RARB: variants seen among roughly 807,000 people sequenced by gnomAD.
The protein encoded by RARB is retinoic acid receptor beta.
A neutral mutation model predicts 51.9 loss-of-function variants in RARB; 17 were observed. The ratio of observed to expected loss-of-function variants is 0.33; its 90% confidence interval spans 0.22 to 0.49. The LOEUF (loss-of-function observed/expected upper bound fraction) is 0.49, where lower values mean the gene tolerates loss of function less well. RARB is among the 20% of genes least tolerant of loss of function. The pLI, the probability that RARB is intolerant of heterozygous loss-of-function variation, is 0.99. For synonymous variants in RARB, 215 were observed against 195.4 expected, an observed-to-expected ratio of 1.10 and a Z score of -0.84; for missense variants, 369 against 550.8, an observed-to-expected ratio of 0.67 and a Z score of 3.30.
At chr3:25,286,782 G>A (rs567062466) in intron 5 of RARB, among the ~76,000 whole-genome samples, 11 of 152,222 alleles carry the variant, frequency 7.2e-5, no homozygotes, top group Non-Finnish European at 1.6e-4. Flanking sequence ...TGCGAGGTTG[G>A]TATTTTTATT....
At chr3:25,380,766 C>G (rs968690515) in intron 5 of RARB, among the ~76,000 whole-genome samples, 1 of 152,038 alleles carries the variant, frequency 6.6e-6, no homozygotes, top group African/African-American at 2.4e-5. Flanking sequence ...TAGCATCTTT[C>G]GTCTCCCTCC....
intron 1 of RARB, among the ~76,000 whole-genome samples, chr3:24,858,001 G>A (rs1329219156): frequency 1.3e-5 from 2 of 152,170 alleles, no homozygotes; most frequent in Non-Finnish European, 2.9e-5. Flanking sequence ...TCTGAGGCAA[G>A]TTATTTAGCT....
At chr3:25,242,010 G>A (rs1279287646) in intron 5 of RARB, among the ~76,000 whole-genome samples, 3 of 152,160 alleles carry the variant, frequency 2.0e-5, no homozygotes. Context: ...CACTTTAACT[G>A]GCGTGAGATG....
At chr3:25,515,431 A>T (rs1236005106) in intron 3 of RARB, among the ~76,000 whole-genome samples, 1 of 152,246 alleles carries the variant, frequency 6.6e-6, no homozygotes, top group East Asian at 1.9e-4. Context: ...CATACTCAAT[A>T]GAAATGAGAA....
rs536695069 is a variant in RARB, at chr3:25,501,096, A to G, written c.307-86A>G. 2.2e-4 allele frequency: 321 copies of G among 1,444,180 alleles called. 1 individual carries two copies. In the African/African-American group the frequency reaches 4.1e-3, roughly 18 times the overall value. 89.5% of individuals were successfully genotyped at this position (1,444,180 alleles called of 1,614,324 possible). ...CATCACTTCGTTACTCAAAAAGAGCAATTAATGCATTGATAAGGTTGGCTT... is the reference window on the plus strand; with the variant it reads ...CATCACTTCGTTACTCAAAAAGAGCGATTAATGCATTGATAAGGTTGGCTT... On this transcript the variant is annotated intron_variant, in intron 2 of 7. Transcript: ENST00000330688.
intron 5 of RARB, among the ~76,000 whole-genome samples, chr3:25,381,269 A>T (rs867771447): frequency 2.0e-5 from 3 of 152,142 alleles, no homozygotes; most frequent in African/African-American, 7.2e-5. Flanking sequence ...TCTGAAAGGA[A>T]TGTTGTCATT....
At chr3:25,377,382 T>C (rs904837687) in intron 5 of RARB, among the ~76,000 whole-genome samples, 2 of 152,208 alleles carry the variant, frequency 1.3e-5, no homozygotes, top group South Asian at 2.1e-4. Flanking sequence ...GATAGACACA[T>C]GTGCAGGTCT....
intron 2 of RARB, among the ~76,000 whole-genome samples, chr3:25,036,441 G>A (rs13067187): frequency 0.12 from 18,870 of 152,036 alleles, 1,399 homozygotes; most frequent in South Asian, 0.3. Flanking sequence ...ATTACATGCC[G>A]GAAAAGAAAC....
chr3:25,051,007 A>G (rs572273923), intron 2 of RARB, among the ~76,000 whole-genome samples: 18 of 152,242 alleles, frequency 1.2e-4, no homozygotes, highest in Non-Finnish European at 1.9e-4. Flanking sequence ...CTGTTGTCTC[A>G]TCTCTCACTC....
intron 4 of RARB, among the ~76,000 whole-genome samples, chr3:25,150,098 G>T (rs1228582610): frequency 6.6e-6 from 1 of 151,968 alleles, no homozygotes; most frequent in Non-Finnish European, 1.5e-5. Flanking sequence ...GCTACTCGGA[G>T]GCTGAGGCAG....
At chr3:24,853,461 G>A (rs966353258) in intron 1 of RARB, among the ~76,000 whole-genome samples, 1 of 152,100 alleles carries the variant, frequency 6.6e-6, no homozygotes, top group Non-Finnish European at 1.5e-5. Flanking sequence ...TTGAGCCATC[G>A]TGAATGCTTC....
intron 3 of RARB, among the ~76,000 whole-genome samples, chr3:25,543,215 A>C (rs1699458474): frequency 6.6e-6 from 1 of 152,154 alleles, no homozygotes; most frequent in African/African-American, 2.4e-5. Context: ...GGACCACCTA[A>C]AGTATCCATA....
chr3:25,594,754 A>G, intron 7 of RARB, 76 bp downstream of exon 7: 1 of 1,307,288 alleles, frequency 7.6e-7, no homozygotes, highest in East Asian at 2.7e-5. Flanking sequence ...GCTTTATTCA[A>G]TTCAGGATGT....
intron 3 of RARB, among the ~76,000 whole-genome samples, chr3:25,563,660 G>T (rs964757828): frequency 6.6e-6 from 1 of 152,216 alleles, no homozygotes; most frequent in South Asian, 2.1e-4. Context: ...TCGTTTACAT[G>T]ATGAGATTAG....
At chr3:25,363,890 C>G (rs147885755) in intron 5 of RARB, among the ~76,000 whole-genome samples, 1 of 152,166 alleles carries the variant, frequency 6.6e-6, no homozygotes, top group Non-Finnish European at 1.5e-5. Context: ...TCTTACATGA[C>G]AGTAGACTCC....
At chr3:25,063,470 G>A (rs1241751988) in intron 3 of RARB, among the ~76,000 whole-genome samples, 2 of 151,930 alleles carry the variant, frequency 1.3e-5, no homozygotes, top group Non-Finnish European at 2.9e-5. Flanking sequence ...AGTAAGTGAA[G>A]CCAATTTAGT....
At chr3:25,233,506 C>T (rs1702231467) in intron 5 of RARB, among the ~76,000 whole-genome samples, 1 of 152,008 alleles carries the variant, frequency 6.6e-6, no homozygotes, top group African/African-American at 2.4e-5. Flanking sequence ...AGTTTTATTT[C>T]TTCCCTTCTA....
At chr3:25,171,420 G>A (rs575470745) in intron 4 of RARB, among the ~76,000 whole-genome samples, 3 of 139,826 alleles carry the variant, frequency 2.1e-5, no homozygotes, top group South Asian at 2.2e-4. Context: ...ACCTAATGTC[G>A]GGATTTTCTC....
intron 5 of RARB, among the ~76,000 whole-genome samples, chr3:25,251,132 A>G (rs1443168350): frequency 6.6e-6 from 1 of 152,116 alleles, no homozygotes; most frequent in African/African-American, 2.4e-5. Context: ...CACCTTGAAT[A>G]TGCATTCTTG....
Sources: gnomAD v4.1 joint callset for allele counts (sites outside exome capture counted in the v4.1 genomes callset) on GRCh38, gnomAD v4.1.1 for gene constraint, MANE v1.5 for transcripts, NCBI Gene and HGNC (gene_info 2026-07-23, HGNC 2026-07-21) for gene names.